CTNND2: variants seen among roughly 807,000 people sequenced by gnomAD.
CTNND2 encodes catenin delta-2.
A neutral mutation model predicts 144.4 loss-of-function variants in CTNND2; 22 were observed. The observed-to-expected ratio is 0.15, with a 90% CI of 0.11 to 0.22. The LOEUF is 0.22. CTNND2 is among the 10% of genes least tolerant of loss of function. The pLI, the probability that CTNND2 is intolerant of heterozygous loss-of-function variation, is 1.00. For synonymous variants in CTNND2, 751 were observed against 695.6 expected, an observed-to-expected ratio of 1.08 and a Z score of -1.25; for missense variants, 1,353 against 1,618.8, an observed-to-expected ratio of 0.84 and a Z score of 2.82.
At chr5:11,123,055 C>T (rs1052219364) in intron 12 of CTNND2, among the ~76,000 whole-genome samples, 3 of 152,136 alleles carry the variant, frequency 2.0e-5, no homozygotes, top group Non-Finnish European at 2.9e-5. Flanking sequence ...ACCTTGAAGC[C>T]ATCAACTCTG....
chr5:11,070,998 G>T (rs536116690), intron 16 of CTNND2, among the ~76,000 whole-genome samples: 4 of 151,518 alleles, frequency 2.6e-5, no homozygotes, highest in East Asian at 1.9e-4. Flanking sequence ...GGAGAGGAGA[G>T]GGGGAGAGGA....
At chr5:11,099,898 T>C (rs116162879) in intron 14 of CTNND2, among the ~76,000 whole-genome samples, 516 of 152,324 alleles carry the variant, frequency 3.4e-3, no homozygotes, top group Non-Finnish European at 6.0e-3. Context: ...AGCTTATTAG[T>C]GTTTATTAAT....
chr5:11,439,494 T>C (rs374187455), intron 3 of CTNND2, among the ~76,000 whole-genome samples: 2 of 152,318 alleles, frequency 1.3e-5, no homozygotes, highest in African/African-American at 4.8e-5. Flanking sequence ...TAGTTTCTTA[T>C]TAATAGTTGG....
At chr5:11,216,179 G>T (rs1469216227) in intron 10 of CTNND2, among the ~76,000 whole-genome samples, 5 of 152,156 alleles carry the variant, frequency 3.3e-5, no homozygotes, top group African/African-American at 1.2e-4. Context: ...AGCTGAGAGA[G>T]CATTTTCCGC....
intron 9 of CTNND2, among the ~76,000 whole-genome samples, chr5:11,289,206 C>T (rs192273917): frequency 4.6e-5 from 7 of 152,286 alleles, no homozygotes; most frequent in Admixed American, 2.0e-4. Flanking sequence ...TTTTCTCTTC[C>T]CAGTGTCCAG....
chr5:11,261,120 G>A (rs947950219), intron 9 of CTNND2, among the ~76,000 whole-genome samples: 2 of 152,040 alleles, frequency 1.3e-5, no homozygotes, highest in African/African-American at 2.4e-5. Flanking sequence ...ACTTCACCTT[G>A]GCCCAGAAAG....
chr5:11,490,331 T>C (rs942411571), intron 3 of CTNND2, among the ~76,000 whole-genome samples: 1 of 152,244 alleles, frequency 6.6e-6, no homozygotes, highest in South Asian at 2.1e-4. Context: ...CTTTATCCTT[T>C]ATGTGCTATT....
chr5:11,557,331 C>G (rs565326106), intron 3 of CTNND2, among the ~76,000 whole-genome samples: 33 of 152,256 alleles, frequency 2.2e-4, no homozygotes, highest in African/African-American at 7.7e-4. Flanking sequence ...CAAAATTTCT[C>G]AAGGGCTACT....
chr5:11,411,484 A>C, intron 5 of CTNND2, 52 bp downstream of exon 5: 1 of 880,264 alleles, frequency 1.1e-6, no homozygotes, highest in Non-Finnish European at 1.9e-6. Flanking sequence ...AAATAATGAC[A>C]TAATACTCCT....
chr5:11,520,104 G>C (rs542398227), intron 3 of CTNND2, among the ~76,000 whole-genome samples: 2 of 147,336 alleles, frequency 1.4e-5, no homozygotes, highest in South Asian at 4.3e-4. Flanking sequence ...CCGAGATCAC[G>C]CCACTGCACT....
intron 13 of CTNND2, among the ~76,000 whole-genome samples, chr5:11,117,135 A>T (rs918852940): frequency 9.7e-6 from 1 of 102,856 alleles, no homozygotes; most frequent in Non-Finnish European, 1.8e-5. Context: ...GGATTACATT[A>T]AAAAAAAAAA....
chr5:11,598,147 T>G (rs1779611740), intron 2 of CTNND2, among the ~76,000 whole-genome samples: 1 of 152,144 alleles, frequency 6.6e-6, no homozygotes, highest in African/African-American at 2.4e-5. Flanking sequence ...TTCAGAGAGG[T>G]TAAATAATTT....
At chr5:11,264,943 A>G (rs1745291398) in intron 9 of CTNND2, among the ~76,000 whole-genome samples, 1 of 152,162 alleles carries the variant, frequency 6.6e-6, no homozygotes, top group South Asian at 2.1e-4. Context: ...TAAAAAATAA[A>G]TAAATAAATA....
At chr5:11,825,319 A>G (rs1266961148) in intron 1 of CTNND2, among the ~76,000 whole-genome samples, 1 of 152,178 alleles carries the variant, frequency 6.6e-6, no homozygotes, top group Non-Finnish European at 1.5e-5. Flanking sequence ...ACAACAACAG[A>G]GCTGAAAAGT....
intron 9 of CTNND2, among the ~76,000 whole-genome samples, chr5:11,303,681 A>G (rs1191991611): frequency 6.6e-6 from 1 of 152,142 alleles, no homozygotes; most frequent in Non-Finnish European, 1.5e-5. Flanking sequence ...TGATTCCATG[A>G]GGAGGAAGTA....
intron 2 of CTNND2, among the ~76,000 whole-genome samples, chr5:11,682,077 T>C (rs892588609): frequency 6.6e-6 from 1 of 152,210 alleles, no homozygotes; most frequent in African/African-American, 2.4e-5. Context: ...GCAACTGGCC[T>C]ATCTGTAACG....
At chr5:10,978,967 A>G (rs1172146604) in intron 21 of CTNND2, among the ~76,000 whole-genome samples, 1 of 152,206 alleles carries the variant, frequency 6.6e-6, no homozygotes, top group Non-Finnish European at 1.5e-5. Context: ...AACCTACTGC[A>G]GCCACTCTGT....
intron 12 of CTNND2, among the ~76,000 whole-genome samples, chr5:11,156,469 T>C (rs1319259614): frequency 2.0e-5 from 3 of 152,184 alleles, no homozygotes; most frequent in Non-Finnish European, 4.4e-5. Flanking sequence ...CAAGCTATAC[T>C]AGTTTAGGAA....
chr5:11,646,183 C>T (rs576047334), intron 2 of CTNND2, among the ~76,000 whole-genome samples: 1 of 152,036 alleles, frequency 6.6e-6, no homozygotes, highest in African/African-American at 2.4e-5. Context: ...GTTTTTCCTT[C>T]TTTATTACTG....
Sources: allele counts gnomAD v4.1 joint callset (sites outside exome capture counted in the v4.1 genomes callset), GRCh38; gene constraint gnomAD v4.1.1; transcripts MANE v1.5; gene names NCBI Gene and HGNC (gene_info 2026-07-23, HGNC 2026-07-21).